The following SHC3 variants were observed in gnomAD, a reference collection of about 807,000 sequenced individuals.
SHC3 encodes the protein SHC-transforming protein 3.
In SHC3, 15 loss-of-function variants were observed where a neutral mutation model predicts 60.4. The observed-to-expected ratio is 0.25, with a 90% CI of 0.17 to 0.38. The LOEUF (loss-of-function observed/expected upper bound fraction) is 0.38, where lower values mean the gene tolerates loss of function less well. Among genes scored for constraint, SHC3 ranks in the 10% least tolerant of loss-of-function variants. SHC3 has a pLI of 1.00. For missense variants in SHC3, 677 were observed against 786.1 expected, an observed-to-expected ratio of 0.86 and a Z score of 1.66; for synonymous variants, 294 against 325.9, an observed-to-expected ratio of 0.90 and a Z score of 1.05.
chr9:89,149,298 G>C (rs941965771), intron 1 of SHC3, among the ~76,000 whole-genome samples: 21 of 152,060 alleles, frequency 1.4e-4, no homozygotes, highest in African/African-American at 5.1e-4. Context: ...CTACAAGGTG[G>C]CTTCTTTTCA....
At chr9:89,123,030 G>A (rs1240244457) in intron 1 of SHC3, among the ~76,000 whole-genome samples, 2 of 152,196 alleles carry the variant, frequency 1.3e-5, no homozygotes, top group African/African-American at 4.8e-5. Flanking sequence ...CTAGTCCCAG[G>A]TGATGCCAAT....
intron 1 of SHC3, among the ~76,000 whole-genome samples, chr9:89,129,411 A>G (rs1283278753): frequency 6.6e-6 from 1 of 152,320 alleles, no homozygotes; most frequent in East Asian, 1.9e-4. Flanking sequence ...AGAGAATGAC[A>G]CAAAGATACT....
At position 89,042,038 on chromosome 9, in the gene SHC3, G is replaced by T; in HGVS notation, c.1348C>A (p.Leu450Ile). 6.2e-7 allele frequency: 1 copy of T among 1,613,774 alleles called. No individual in the cohort carries two copies. The highest frequency in any genetic ancestry group is 1.1e-5 in the South Asian group (1 of 90,986). Residue 450 changes from leucine (L) to isoleucine (I), a missense_variant, in exon 10 of 12, where the codon CTC becomes ATC. Coordinates refer to ENST00000375835, the MANE Select transcript of SHC3 (RefSeq NM_016848.6). ...SSAESSPRKD[L>I]FDMKPFEDAL... The stretch of plus-strand genomic sequence containing the variant: ...AACAGAAACCCACTCATGTCAAAGA[G>T]GTCTTTCCTTGGGCTGCTCTCAGCA...
intron 1 of SHC3, among the ~76,000 whole-genome samples, chr9:89,158,337 T>G (rs34627198): frequency 0.032 from 4,924 of 152,174 alleles, 244 homozygotes; most frequent in African/African-American, 0.11. Flanking sequence ...CAATTATTAA[T>G]TTAGTTCCAT....
chr9:89,178,264 T>TGGCCCAGGCTGCCG lies in SHC3; in HGVS notation c.183_196dup (p.His66ProfsTer14). 6.5e-7 allele frequency: 1 copy of TGGCCCAGGCTGCCG among 1,537,854 alleles called. No individual in the cohort carries two copies. The highest frequency in any genetic ancestry group is 8.7e-7 in the Non-Finnish European group (1 of 1,144,268). ...CAGGTGGGACACCTTGTGGAGCAGG[T>TGGCCCAGGCTGCCG]GGCCCAGGCTGCCGGGCCCATCGTC... On this transcript the variant is annotated frameshift_variant, in exon 1 of 12. Coordinates refer to ENST00000375835, the MANE Select transcript of SHC3 (RefSeq NM_016848.6). LOFTEE classifies it high-confidence loss of function. The surrounding 1 kb of genome is among the most constrained non-coding windows in gnomAD (Gnocchi z 6.9).
intron 6 of SHC3, among the ~76,000 whole-genome samples, chr9:89,059,392 T>C (rs1405600994): frequency 7.9e-5 from 10 of 126,620 alleles, no homozygotes; most frequent in Non-Finnish European, 1.5e-4. Flanking sequence ...TAGTGGAGGA[T>C]GCAGTAGAGG....
intron 1 of SHC3, among the ~76,000 whole-genome samples, chr9:89,112,904 A>G (rs1825970929): frequency 6.6e-6 from 1 of 152,186 alleles, no homozygotes; most frequent in Non-Finnish European, 1.5e-5. Context: ...TTTTTATGGA[A>G]GTATAACTTA....
intron 11 of SHC3, among the ~76,000 whole-genome samples, chr9:89,030,790 G>A (rs9410448): frequency 0.52 from 78,584 of 151,956 alleles, 21,932 homozygotes; most frequent in East Asian, 0.99. Flanking sequence ...TTTTCCTTCC[G>A]TTTTTCCTCC....
At chr9:89,128,230 T>C (rs1196130982) in intron 1 of SHC3, among the ~76,000 whole-genome samples, 1 of 152,212 alleles carries the variant, frequency 6.6e-6, no homozygotes, top group African/African-American at 2.4e-5. Flanking sequence ...AATTAAATTG[T>C]CTTCAAAATT....
intron 1 of SHC3, among the ~76,000 whole-genome samples, chr9:89,127,981 A>C (rs1826189223): frequency 6.6e-6 from 1 of 152,166 alleles, no homozygotes; most frequent in Non-Finnish European, 1.5e-5. Flanking sequence ...GAAACAAGTA[A>C]TCCAGTTAAG....
intron 7 of SHC3, among the ~76,000 whole-genome samples, chr9:89,048,801 C>T (rs7866578): frequency 6.6e-6 from 1 of 152,104 alleles, no homozygotes; most frequent in African/African-American, 2.4e-5. Flanking sequence ...GCTGGAGGAG[C>T]GGAGCTGAAA....
At chr9:89,020,716 G>A (rs1391852572) in intron 11 of SHC3, among the ~76,000 whole-genome samples, 2 of 152,158 alleles carry the variant, frequency 1.3e-5, no homozygotes, top group African/African-American at 4.8e-5. Flanking sequence ...CTCAGTATGT[G>A]GGTGTTGTGA....
intron 1 of SHC3, among the ~76,000 whole-genome samples, chr9:89,130,332 C>T (rs1826225969): frequency 6.6e-6 from 1 of 152,138 alleles, no homozygotes; most frequent in Admixed American, 6.5e-5. Context: ...TTTAACACCC[C>T]ACTGTTAACC....
intron 3 of SHC3, among the ~76,000 whole-genome samples, chr9:89,077,335 T>C (rs1287514936): frequency 6.6e-6 from 1 of 152,208 alleles, no homozygotes; most frequent in African/African-American, 2.4e-5. Flanking sequence ...AGCTACTACA[T>C]ATCTCTTCCC....
intron 10 of SHC3, among the ~76,000 whole-genome samples, chr9:89,039,772 C>T (rs948501694): frequency 6.6e-6 from 1 of 151,850 alleles, no homozygotes; most frequent in African/African-American, 2.4e-5. Flanking sequence ...ACACTATCAT[C>T]ACTATCCCCT....
chr9:89,168,757 A>G (rs1014240860), intron 1 of SHC3, among the ~76,000 whole-genome samples: 8 of 152,178 alleles, frequency 5.3e-5, no homozygotes, highest in Non-Finnish European at 1.2e-4. Context: ...TTTTGATAAA[A>G]TTAACATTTG....
intron 5 of SHC3, 93 bp from the exon 6 acceptor site, chr9:89,065,673 G>A (rs1232774993): frequency 1.6e-6 from 2 of 1,243,666 alleles, no homozygotes; most frequent in African/African-American, 3.0e-5. Flanking sequence ...AGCTTAGAAG[G>A]ACTCAACCAC....
intron 5 of SHC3, among the ~76,000 whole-genome samples, chr9:89,068,042 A>G (rs546752641): frequency 1.8e-4 from 28 of 152,334 alleles, no homozygotes; most frequent in African/African-American, 6.3e-4. Flanking sequence ...CAGATGGTCA[A>G]TGGCCAAGCT....
intron 1 of SHC3, among the ~76,000 whole-genome samples, chr9:89,166,738 G>A (rs7847804): frequency 6.6e-6 from 1 of 152,126 alleles, no homozygotes; most frequent in African/African-American, 2.4e-5. Flanking sequence ...GAAAGGATGC[G>A]CAAGGGAAGA....
Sources: allele counts gnomAD v4.1 joint callset (sites outside exome capture counted in the v4.1 genomes callset), GRCh38; gene constraint gnomAD v4.1.1; non-coding constraint Gnocchi (gnomAD v3.1); transcripts MANE v1.5; gene names NCBI Gene and HGNC (gene_info 2026-07-23, HGNC 2026-07-21).